Variants in REXO4 observed in about 807,000 individuals in gnomAD.
REXO4 encodes REX4 homolog, 3'-5' exonuclease.
Under a neutral mutation model 39.9 loss-of-function variants are expected in REXO4, and 29 were observed. The ratio of observed to expected loss-of-function variants is 0.73; its 90% CI spans 0.54 to 0.99. REXO4 has a LOEUF of 0.99. Among genes scored for constraint, REXO4 ranks in the 50% least tolerant of loss-of-function variants. REXO4 has a pLI of 0.00. For missense variants in REXO4, 524 were observed against 546.5 expected, an observed-to-expected ratio of 0.96 and a Z score of 0.41; for synonymous variants, 184 against 206.2, an observed-to-expected ratio of 0.89 and a Z score of 0.92.
In REXO4 at chr9:133,406,928, C is replaced by T. The variant is rs377202689; in HGVS notation, c.*25G>A. ...TGGTCACATTGCCTCTGTAGCGGGG[C>T]GGCAGCAGCAGCAGGGCAGGACTGC... On this transcript the variant is annotated 3_prime_UTR_variant, in exon 8 of 8. Coordinates refer to ENST00000371942, the MANE Select transcript of REXO4 (RefSeq NM_020385.4). The T allele has an allele frequency of 3.2e-5, 51 of 1,607,404 alleles. No individual in the cohort carries two copies. The highest frequency in any genetic ancestry group is 1.6e-4 in the East Asian group (7 of 44,876).
At position 133,406,880 on chromosome 9, in the gene REXO4, G is replaced by A. The variant is rs1838902148; in HGVS notation, c.*73C>T. ...GTTTCACCAGAGTTGCCACTCTGGG[G>A]AGATGTGATCTGTCCCTGTGACTGG... is the stretch of plus-strand genomic sequence containing the variant. On this transcript the variant is annotated 3_prime_UTR_variant, in exon 8 of 8. Coordinates refer to ENST00000371942, the MANE Select transcript of REXO4 (RefSeq NM_020385.4). 1 of 1,593,288 alleles carries A rather than the reference G, an allele frequency of 6.3e-7. No homozygotes were observed. Among genetic ancestry groups the A allele is most frequent in the Non-Finnish European group, 8.5e-7 (1 of 1,174,282 alleles).
In REXO4 at chr9:133,407,338, C is replaced by T. The variant is rs587762333; in HGVS notation, c.1150-266G>A. Among the ~76,000 whole-genome samples the T allele has an allele frequency of 4.6e-5, 7 of 152,294 alleles. No homozygotes were observed. The South Asian group carries it at 1.0e-3, about 23-fold the overall frequency. ...ACCCAAAGAGGAGAAGCAACAAACACGCTGCCTTTTTAGGTCTCTGAGTGC... is the reference window on the plus strand; with the variant it reads ...ACCCAAAGAGGAGAAGCAACAAACATGCTGCCTTTTTAGGTCTCTGAGTGC... On this transcript the variant is annotated intron_variant, in intron 7 of 7. Transcript: ENST00000371942.
chr9:133,412,168 G>A (rs587657684), intron 4 of REXO4, 131 bp downstream of exon 4: 12 of 907,978 alleles, frequency 1.3e-5, no homozygotes, highest in African/African-American at 6.6e-5. Flanking sequence ...AAAACCCATC[G>A]CCCCAAAAGG....
chr9:133,417,738 CT>C lies in REXO4; in HGVS notation c.106del (p.Arg36GlyfsTer10). 6.2e-7 allele frequency: 1 copy of C among 1,614,024 alleles called. No homozygotes were observed. Among genetic ancestry groups the C allele is most frequent in the Non-Finnish European group, 8.5e-7 (1 of 1,179,982 alleles). On this transcript the variant is annotated frameshift_variant, in exon 1 of 8. Coordinates refer to ENST00000371942, the MANE Select transcript of REXO4 (RefSeq NM_020385.4). LOFTEE classifies it high-confidence loss of function. The stretch of plus-strand genomic sequence containing the variant: ...TTCCCGCGCCTTGCTTTTCCAAAAC[CT>C]TTTTTTCTTCTTGTTTTTCTTCCGA... ...LTRKKNKKKK[R>X]FWKSKAREVS...
intron 5 of REXO4, among the ~76,000 whole-genome samples, chr9:133,410,071 A>C (rs1293793785): frequency 6.6e-6 from 1 of 152,208 alleles, no homozygotes; most frequent in African/African-American, 2.4e-5. Flanking sequence ...CACCTCCAGC[A>C]TCTTCAATGG....
At position 133,414,995 on chromosome 9, in the gene REXO4, T is replaced by C. The variant is rs1839486734; in HGVS notation, c.242A>G (p.Lys81Arg). ...KALQEWLLKQ[K>R]SQAPEKPLVI... ...AAGAGGCTTTTCTGGGGCCTGAGAT[T>C]TTTGTTTCAGCAGCCACTGGGACCC... The change falls in exon 2 of 8, where the codon AAA becomes AGA. Residue 81 changes from lysine to arginine, a missense_variant. Lys to Arg is a conservative substitution (Grantham distance 26). Coordinates refer to ENST00000371942, the MANE Select transcript of REXO4 (RefSeq NM_020385.4). The C allele has an allele frequency of 1.9e-6, 3 of 1,582,412 alleles. No homozygotes were observed. The East Asian group carries it at 6.7e-5, about 35-fold the overall frequency.
chr9:133,417,495 T>C (rs587620385), intron 1 of REXO4, 125 bp downstream of exon 1: 1 of 976,890 alleles, frequency 1.0e-6, no homozygotes, highest in African/African-American at 1.6e-5. Context: ...TGTGAAAAGC[T>C]GTTTACAAGA....
chr9:133,409,330 T>G (rs1839094160), intron 5 of REXO4, among the ~76,000 whole-genome samples: 1 of 152,132 alleles, frequency 6.6e-6, no homozygotes, highest in African/African-American at 2.4e-5. Flanking sequence ...GGCACTGATA[T>G]GAATTTCAAC....
At chr9:133,407,225 G>T (rs1554779090) in intron 7 of REXO4, among the ~76,000 whole-genome samples, 153 bp from the exon 8 acceptor site, 1 of 152,178 alleles carries the variant, frequency 6.6e-6, no homozygotes, top group Non-Finnish European at 1.5e-5. Context: ...GACGGGGAGG[G>T]AGGACACAAG....
At chr9:133,408,946 G>GTGTC in intron 5 of REXO4, 104 bp from the exon 6 acceptor site, 1 of 412,664 alleles carries the variant, frequency 2.4e-6, no homozygotes, top group South Asian at 2.9e-5. Flanking sequence ...GTGTGTGTGT[G>GTGTC]TGTGTGTGTG....
chr9:133,410,903 A>T, intron 5 of REXO4, 82 bp downstream of exon 5: 1 of 1,028,950 alleles, frequency 9.7e-7, no homozygotes, highest in Non-Finnish European at 1.5e-6. Context: ...ACACATTGTT[A>T]AAACTCCCCA....
intron 1 of REXO4, chr9:133,415,837 G>T (rs587661592): frequency 1.3e-5 from 2 of 152,166 alleles, no homozygotes; most frequent in African/African-American, 2.4e-5. Flanking sequence ...GGCTGCCCAC[G>T]GGAATTTGAC....
intron 5 of REXO4, among the ~76,000 whole-genome samples, chr9:133,409,090 C>T (rs926149888): frequency 1.3e-5 from 2 of 151,840 alleles, no homozygotes; most frequent in African/African-American, 2.4e-5. Flanking sequence ...CTCAGCCTCC[C>T]GAGTAGCTGG....
Position 133,414,782 on chromosome 9 carries a change from G to T in REXO4, c.455C>A (p.Thr152Lys), listed in dbSNP as rs374718488. The change falls in exon 2 of 8, where the codon ACA becomes AAA. Residue 152 changes from threonine to lysine, a missense_variant. Thr to Lys is a moderately conservative substitution (Grantham distance 78, BLOSUM62 -1). Coordinates refer to ENST00000371942, the MANE Select transcript of REXO4 (RefSeq NM_020385.4). ...CTTGGTTCCTTTCTTATTGTGCTCT[G>T]TTCCACTGGCCTTGGTGCGAGGTAC... ...APVPRTKASG[T>K]EHNKKGTKER... 6.2e-7 allele frequency: 1 copy of T among 1,614,116 alleles called. No individual in the cohort carries two copies.
chr9:133,412,460 A>T lies in REXO4; in HGVS notation c.749T>A (p.Met250Lys). Residue 250 changes from methionine (M) to lysine (K), a missense_variant, in exon 4 of 8, where the codon ATG becomes AAG. By Grantham distance (95) the Met-to-Lys change is moderately conservative. Transcript: ENST00000371942. ...CTCCCCCTTAGGGCCCACGCCCACC[A>T]TCTCACAGTCCAAGGCTAAGGCTCT... ...LTRALALDCE[M>K]VGVGPKGEES... 6.2e-7 allele frequency: 1 copy of T among 1,614,018 alleles called. No individual in the cohort carries two copies. The highest frequency in any genetic ancestry group is 1.7e-5 in the Admixed American group (1 of 60,018).
rs1294046800 is a variant in REXO4, at chr9:133,407,188, A to G, written c.1150-116T>C. On this transcript the variant is annotated intron_variant, in intron 7 of 7. Transcript: ENST00000371942. The stretch of plus-strand genomic sequence containing the variant: ...CTGCTACAGATGTACTGAGTGAGAC[A>G]TGGACCTGGCCACGAGATGTCACCA... 2.0e-6 allele frequency: 3 copies of G among 1,519,032 alleles called. No individual in the cohort carries two copies. The African/African-American group carries it at 4.1e-5, about 21-fold the overall frequency. 94.1% of individuals were successfully genotyped at this position (1,519,032 alleles called of 1,614,324 possible).
chr9:133,415,111 C>T, intron 1 of REXO4, 100 bp from the exon 2 acceptor site: 1 of 889,058 alleles, frequency 1.1e-6, no homozygotes, highest in East Asian at 2.4e-5. Context: ...ACATATACAC[C>T]AAACACATCT....
intron 7 of REXO4, among the ~76,000 whole-genome samples, 187 bp from the exon 8 acceptor site, chr9:133,407,259 G>A (rs1013871025): frequency 6.6e-6 from 1 of 152,160 alleles, no homozygotes; most frequent in Non-Finnish European, 1.5e-5. Flanking sequence ...GCAACGACCT[G>A]ATGGTCCCCA....
chr9:133,417,342 T>A (rs1554781849), intron 1 of REXO4, among the ~76,000 whole-genome samples: 1 of 152,236 alleles, frequency 6.6e-6, no homozygotes, highest in Non-Finnish European at 1.5e-5. Flanking sequence ...AAGCTAAATT[T>A]CTCTTTGTAA....
Sources: gnomAD v4.1 joint callset for allele counts (sites outside exome capture counted in the v4.1 genomes callset) on GRCh38, gnomAD v4.1.1 for gene constraint, MANE v1.5 for transcripts, NCBI Gene and HGNC (gene_info 2026-07-23, HGNC 2026-07-21) for gene names.